MAST4: variants seen among roughly 807,000 people sequenced by gnomAD.
MAST4 encodes the protein microtubule-associated serine/threonine-protein kinase 4.
Under a neutral mutation model 162.7 loss-of-function variants are expected in MAST4, and 89 were observed. The ratio of observed to expected loss-of-function variants is 0.55; its 90% CI spans 0.46 to 0.65. MAST4 has a LOEUF of 0.65. Among genes scored for constraint, MAST4 ranks in the 30% least tolerant of loss-of-function variants. The pLI is 0.00. For missense variants in MAST4, 3,153 were observed against 3,374.0 expected (o/e 0.93, Z 1.62); for synonymous variants, 1,479 against 1,361.1 (o/e 1.09, Z -1.91).
chr5:66,646,470 G>T (rs1356134823), intron 1 of MAST4, among the ~76,000 whole-genome samples: 1 of 152,086 alleles, frequency 6.6e-6, no homozygotes, highest in East Asian at 1.9e-4. Flanking sequence ...TTAAAAAAGT[G>T]ACATTCTGTT....
At chr5:66,871,014 C>T (rs895481522) in intron 3 of MAST4, among the ~76,000 whole-genome samples, 3 of 152,248 alleles carry the variant, frequency 2.0e-5, no homozygotes, top group East Asian at 1.9e-4. Flanking sequence ...AGACCATACA[C>T]GTCAGTGGTG....
chr5:66,959,433 C>A (rs1291668630), intron 4 of MAST4: 2 of 689,254 alleles, frequency 2.9e-6, no homozygotes, highest in Non-Finnish European at 5.4e-6. Context: ...GTCTTAAATG[C>A]ATGGCATTTG....
chr5:66,599,349 G>T (rs929914169), intron 1 of MAST4, among the ~76,000 whole-genome samples: 12 of 152,170 alleles, frequency 7.9e-5, no homozygotes, highest in African/African-American at 2.9e-4. Flanking sequence ...GAGGATTCGG[G>T]AATGCTGGGT....
chr5:66,849,137 G>A (rs1468943876), intron 3 of MAST4, among the ~76,000 whole-genome samples: 2 of 152,128 alleles, frequency 1.3e-5, no homozygotes, highest in Non-Finnish European at 2.9e-5. Context: ...GTATTGTGAT[G>A]AGGGGGTCAT....
At chr5:66,752,630 T>C (rs1438342055) in intron 1 of MAST4, among the ~76,000 whole-genome samples, 37 of 148,764 alleles carry the variant, frequency 2.5e-4, no homozygotes, top group East Asian at 1.4e-3. Flanking sequence ...TACAGGAGCA[T>C]CCAGATTCAT....
chr5:66,596,419 A>C lies in MAST4; in HGVS notation c.-237A>C, dbSNP rs1036726599. ...CAGTGGAGCGCAGATCGCGGACCCG[A>C]GCGGGCATGTCCCCGCGCGCGGGAG... is the stretch of plus-strand genomic sequence containing the variant. On this transcript the variant is annotated 5_prime_UTR_variant, in exon 1 of 29. Coordinates refer to ENST00000403625, the MANE Select transcript of MAST4 (RefSeq NM_001164664.2). 1 of 406,696 alleles carries C rather than the reference A, an allele frequency of 2.5e-6. No homozygotes were observed. The allele number at this position is 406,696 out of a possible 1,614,324, so 25.2% of individuals were successfully genotyped here. A position where few individuals can be genotyped will look rare whatever the true frequency, so the allele number is the denominator to read the frequency against.
intron 23 of MAST4, among the ~76,000 whole-genome samples, 187 bp downstream of exon 23, chr5:67,145,566 C>G (rs1363218654): frequency 2.0e-5 from 3 of 152,230 alleles, no homozygotes; most frequent in Non-Finnish European, 4.4e-5. Flanking sequence ...GTCTCAGACC[C>G]CTCCTCAGTG....
chr5:66,709,592 T>C (rs1161595635), intron 1 of MAST4, among the ~76,000 whole-genome samples: 6 of 152,218 alleles, frequency 3.9e-5, no homozygotes, highest in African/African-American at 1.4e-4. Flanking sequence ...GCTGGGGTTA[T>C]AAGCATGAGC....
chr5:67,153,570 T>A lies in MAST4; in HGVS notation c.3638T>A (p.Leu1213His). 1 of 1,584,340 alleles carries A rather than the reference T, an allele frequency of 6.3e-7. No homozygotes were observed. Among genetic ancestry groups the A allele is most frequent in the Non-Finnish European group, 8.6e-7 (1 of 1,164,412 alleles). Residue 1213 changes from leucine (L) to histidine (H), a missense_variant, in exon 26 of 29, where the codon CTC becomes CAC. Physicochemically the swap from Leu to His is moderately conservative, Grantham distance 99. Transcript: ENST00000403625. ...CTTGTCCACACAGAAGTTATAGAAC[T>A]CCTACTGAAGGTATTGTATGTTTTA... ...HGLVHTEVIE[L>H]LLKSGNKVSI...
intron 3 of MAST4, among the ~76,000 whole-genome samples, chr5:66,885,614 A>T (rs1350587107): frequency 2.6e-5 from 4 of 152,218 alleles, no homozygotes; most frequent in Non-Finnish European, 5.9e-5. Flanking sequence ...GATAAATGGC[A>T]ATTCCAATTG....
intron 3 of MAST4, among the ~76,000 whole-genome samples, chr5:66,873,272 C>T (rs1024805942): frequency 5.3e-5 from 8 of 152,150 alleles, no homozygotes; most frequent in African/African-American, 9.7e-5. Context: ...GGAGAAGCCA[C>T]GGTTTGCTGT....
chr5:66,896,526 A>T lies in MAST4; in HGVS notation c.643-3425A>T, dbSNP rs549259540. Among the ~76,000 whole-genome samples the T allele has an allele frequency of 2.0e-5, 3 of 152,346 alleles. No homozygotes were observed. In the South Asian group the frequency reaches 6.2e-4, roughly 32 times the overall value. On this transcript the variant is annotated intron_variant, in intron 3 of 28. Coordinates refer to ENST00000403625, the MANE Select transcript of MAST4 (RefSeq NM_001164664.2). ...ACCATTTGAAGAAGGGAGTATCTAC[A>T]TGTATTATTTGGGCTTCTGTAAATG...
intron 1 of MAST4, among the ~76,000 whole-genome samples, chr5:66,601,251 A>G (rs1462621427): frequency 6.6e-6 from 1 of 152,196 alleles, no homozygotes; most frequent in Non-Finnish European, 1.5e-5. Context: ...AAATCTTGGC[A>G]TATTTATTAT....
At chr5:66,639,237 G>A (rs541872283) in intron 1 of MAST4, among the ~76,000 whole-genome samples, 3 of 151,294 alleles carry the variant, frequency 2.0e-5, no homozygotes, top group South Asian at 4.2e-4. Context: ...GGTATTTCAA[G>A]GAGGAAGTGG....
At chr5:66,927,423 A>G (rs1369260020) in intron 4 of MAST4, among the ~76,000 whole-genome samples, 1 of 152,204 alleles carries the variant, frequency 6.6e-6, no homozygotes, top group African/African-American at 2.4e-5. Flanking sequence ...AAATTTAGGT[A>G]CCCAATTTAG....
Position 66,853,953 on chromosome 5 carries a change from C to A in MAST4, c.643-45998C>A, listed in dbSNP as rs571744926. Among the ~76,000 whole-genome samples, 527 of 152,160 alleles carry A rather than the reference C, an allele frequency of 3.5e-3. 4 individuals carry two copies. Among genetic ancestry groups the A allele is most frequent in the African/African-American group, 0.012 (505 of 41,532 alleles). On this transcript the variant is annotated intron_variant, in intron 3 of 28. Transcript: ENST00000403625. ...TAGAAATTAAACATTTATAACAAAT[C>A]ATAGTTTAAAATAAGTTAGGGAAGT...
intron 1 of MAST4, among the ~76,000 whole-genome samples, chr5:66,641,964 C>G (rs1352087360): frequency 6.6e-6 from 1 of 152,138 alleles, no homozygotes; most frequent in Non-Finnish European, 1.5e-5. Flanking sequence ...ATAATTTTCT[C>G]TTTATAGAAG....
At chr5:67,036,017 T>C (rs1472786792) in intron 4 of MAST4, among the ~76,000 whole-genome samples, 2 of 152,138 alleles carry the variant, frequency 1.3e-5, no homozygotes, top group African/African-American at 4.8e-5. Flanking sequence ...GGAAAGAGCC[T>C]GGGTTGGGAC....
chr5:66,791,226 G>A (rs750024566), intron 3 of MAST4, among the ~76,000 whole-genome samples: 1 of 152,152 alleles, frequency 6.6e-6, no homozygotes, highest in Non-Finnish European at 1.5e-5. Context: ...GTTTTGCCAC[G>A]TTGGCCGGGC....
Sources: gnomAD v4.1 joint callset for allele counts (sites outside exome capture counted in the v4.1 genomes callset) on GRCh38, gnomAD v4.1.1 for gene constraint, MANE v1.5 for transcripts, NCBI Gene and HGNC (gene_info 2026-07-23, HGNC 2026-07-21) for gene names.